The following TCF4 variants were observed in gnomAD, a reference collection of about 807,000 sequenced individuals.
The protein encoded by TCF4 is transcription factor 4.
A neutral mutation model predicts 82.1 loss-of-function variants in TCF4; 3 were observed. The observed-to-expected ratio is 0.04, with a 90% CI of 0.02 to 0.09. The LOEUF is 0.09. TCF4 is among the 10% of genes least tolerant of loss of function. The probability of loss-of-function intolerance (pLI) is 1.00; values close to 1 mark genes in which losing one functional copy is unlikely to be tolerated. For synonymous variants in TCF4, 276 were observed against 309.6 expected, an observed-to-expected ratio of 0.89 and a Z score of 1.14; for missense variants, 518 against 852.7, an observed-to-expected ratio of 0.61 and a Z score of 4.89.
At chr18:55,229,488 T>C (rs2047263382) in intron 17 of TCF4, 1 of 197,768 alleles carries the variant, frequency 5.1e-6, no homozygotes, top group Admixed American at 5.3e-5. Flanking sequence ...TTATACTTTA[T>C]TTTTTAAATA....
At chr18:55,255,697 C>T (rs756025323) in intron 14 of TCF4, among the ~76,000 whole-genome samples, 3 of 152,046 alleles carry the variant, frequency 2.0e-5, no homozygotes, top group South Asian at 4.1e-4. Flanking sequence ...TGATTCCTTC[C>T]GTACAGACAT....
intron 5 of TCF4, chr18:55,422,100 C>CAAAAA: frequency 4.5e-6 from 2 of 444,960 alleles, no homozygotes; most frequent in Non-Finnish European, 5.2e-6. Flanking sequence ...AGAAAAAGCA[C>CAAAAA]AAAAAAAAAA....
At chr18:55,450,652 G>C (rs1222197061) in intron 5 of TCF4, among the ~76,000 whole-genome samples, 1 of 152,182 alleles carries the variant, frequency 6.6e-6, no homozygotes, top group Non-Finnish European at 1.5e-5. Flanking sequence ...AAGGGAATGA[G>C]AGAATAATCC....
intron 12 of TCF4, among the ~76,000 whole-genome samples, chr18:55,260,704 A>G (rs563414052): frequency 6.8e-4 from 104 of 152,226 alleles, no homozygotes; most frequent in African/African-American, 2.2e-3. Flanking sequence ...GATTACAGGC[A>G]TGTGCCACCC....
chr18:55,552,989 A>G (rs1487664928), intron 3 of TCF4, among the ~76,000 whole-genome samples: 2 of 152,216 alleles, frequency 1.3e-5, no homozygotes, highest in African/African-American at 4.8e-5. Context: ...ACATTATAGG[A>G]AGAACAGAAA....
chr18:55,475,990 G>C (rs2096280094), intron 3 of TCF4, among the ~76,000 whole-genome samples: 1 of 152,190 alleles, frequency 6.6e-6, no homozygotes, highest in African/African-American at 2.4e-5. Context: ...GCAAGTTAAA[G>C]AATCAGTTTT....
Position 55,404,003 on chromosome 18 carries a change from C to T in TCF4, c.305-485G>A, listed in dbSNP as rs1375107223. 6.6e-6 allele frequency: 8 copies of T among 1,215,064 alleles called. No homozygotes were observed. The East Asian group carries it at 3.0e-4, about 46-fold the overall frequency. 75.3% of individuals were successfully genotyped at this position (1,215,064 alleles called of 1,614,324 possible). On this transcript the variant is annotated intron_variant, in intron 5 of 19. Transcript: ENST00000354452. ...TATTCAAAATTCTGAGTCTCTCTCT[C>T]TCTCTCTTTTTTAAAAACTCCCTTT...
intron 15 of TCF4, among the ~76,000 whole-genome samples, chr18:55,239,188 T>A (rs938473056): frequency 2.6e-5 from 4 of 152,202 alleles, no homozygotes; most frequent in Non-Finnish European, 5.9e-5. Context: ...AAGCACCATA[T>A]AATTTTAAAT....
intron 3 of TCF4, among the ~76,000 whole-genome samples, chr18:55,485,442 C>T (rs1253609100): frequency 1.3e-5 from 2 of 152,170 alleles, no homozygotes; most frequent in African/African-American, 4.8e-5. Context: ...GCAATCCTCT[C>T]CTGGCCACTC....
intron 6 of TCF4, among the ~76,000 whole-genome samples, chr18:55,359,954 C>T (rs887680887): frequency 2.6e-5 from 4 of 152,148 alleles, no homozygotes; most frequent in African/African-American, 9.7e-5. Context: ...TTCTATAGTA[C>T]ATGGGGCTAT....
At chr18:55,283,292 A>T (rs1034216538) in intron 8 of TCF4, among the ~76,000 whole-genome samples, 52 of 152,228 alleles carry the variant, frequency 3.4e-4, no homozygotes, top group African/African-American at 1.1e-3. Flanking sequence ...AGAAAAAAAA[A>T]TTTAATTTAT....
chr18:55,566,809 G>C (rs2097412275), intron 3 of TCF4, among the ~76,000 whole-genome samples: 1 of 152,134 alleles, frequency 6.6e-6, no homozygotes, highest in African/African-American at 2.4e-5. Flanking sequence ...GAATAAAGGA[G>C]TCAGAATATT....
intron 8 of TCF4, among the ~76,000 whole-genome samples, chr18:55,326,544 C>A (rs879399116): frequency 6.6e-6 from 1 of 150,826 alleles, no homozygotes; most frequent in African/African-American, 2.4e-5. Flanking sequence ...AATCACAAAT[C>A]TTTTTGGAGC....
chr18:55,254,255 A>G (rs2056147525), intron 15 of TCF4, among the ~76,000 whole-genome samples: 1 of 152,198 alleles, frequency 6.6e-6, no homozygotes, highest in Non-Finnish European at 1.5e-5. Flanking sequence ...CTTAATGGGC[A>G]ACGGGGATTC....
intron 8 of TCF4, among the ~76,000 whole-genome samples, chr18:55,302,168 C>T (rs962324611): frequency 2.0e-4 from 30 of 152,296 alleles, no homozygotes; most frequent in East Asian, 3.9e-4. Context: ...CCCTCGGCCA[C>T]GAGGCAATCC....
At chr18:55,367,260 G>A (rs2087447244) in intron 6 of TCF4, among the ~76,000 whole-genome samples, 1 of 152,204 alleles carries the variant, frequency 6.6e-6, no homozygotes, top group African/African-American at 2.4e-5. Flanking sequence ...GTGTGTGTAT[G>A]TGTAATATAG....
intron 3 of TCF4, among the ~76,000 whole-genome samples, chr18:55,497,414 T>C (rs2096649362): frequency 6.6e-6 from 1 of 152,214 alleles, no homozygotes; most frequent in Non-Finnish European, 1.5e-5. Context: ...CAATCTTGTC[T>C]ATGAGGGAAA....
chr18:55,250,703 G>GT (rs753810278), intron 15 of TCF4, among the ~76,000 whole-genome samples: 74 of 152,262 alleles, frequency 4.9e-4, no homozygotes, highest in Non-Finnish European at 8.2e-4. Context: ...AGAATGTTAA[G>GT]TTTCCTCGTT....
At position 55,450,236 on chromosome 18, in the gene TCF4, G is replaced by A. The variant is rs75105538; in HGVS notation, c.304+10783C>T. On this transcript the variant is annotated intron_variant, in intron 5 of 19. Transcript: ENST00000354452. ...TTCTCTTGTGGCATTTTCAACCTAC[G>A]TGAAAGCTTTAAATGTTTTATCTTA... 6.9e-3 allele frequency among the ~76,000 whole-genome samples: 1,052 copies of A among 152,244 alleles called. 10 individuals carry two copies. Among genetic ancestry groups the A allele is most frequent in the African/African-American group, 0.024 (990 of 41,522 alleles).
Sources: allele counts gnomAD v4.1 joint callset (sites outside exome capture counted in the v4.1 genomes callset), GRCh38; gene constraint gnomAD v4.1.1; transcripts MANE v1.5; gene names NCBI Gene and HGNC (gene_info 2026-07-23, HGNC 2026-07-21).